AP3B1: variants seen among roughly 807,000 people sequenced by gnomAD.
The protein encoded by AP3B1 is AP-3 complex subunit beta-1.
Under a neutral mutation model 132.5 loss-of-function variants are expected in AP3B1, and 61 were observed. The observed-to-expected ratio is 0.46, with a 90% CI of 0.37 to 0.57. AP3B1 has a LOEUF of 0.57. Ranked by LOEUF, AP3B1 falls within the 20% of genes least tolerant of loss-of-function variation. The pLI is 0.00. For synonymous variants in AP3B1, 388 were observed against 438.3 expected, an observed-to-expected ratio of 0.89 and a Z score of 1.43; for missense variants, 1,120 against 1,289.4, an observed-to-expected ratio of 0.87 and a Z score of 2.01.
chr5:78,146,714 G>A (rs1264546163), intron 14 of AP3B1, among the ~76,000 whole-genome samples: 1 of 151,942 alleles, frequency 6.6e-6, no homozygotes, highest in African/African-American at 2.4e-5. Flanking sequence ...TAAAAATGGT[G>A]ATCTTTATAA....
At chr5:78,027,350 T>G (rs1366686108) in intron 24 of AP3B1, among the ~76,000 whole-genome samples, 1 of 152,170 alleles carries the variant, frequency 6.6e-6, no homozygotes, top group African/African-American at 2.4e-5. Flanking sequence ...TCCCCACGGA[T>G]TTGAAATGTC....
chr5:78,062,131 T>C (rs773906003), intron 22 of AP3B1, among the ~76,000 whole-genome samples: 4 of 152,248 alleles, frequency 2.6e-5, no homozygotes, highest in Non-Finnish European at 4.4e-5. Flanking sequence ...TTTTGAAGCT[T>C]TGTATTTTCC....
rs536519882 is a variant in AP3B1 at position 78,202,136 on chromosome 5, C to T, written c.786+13919G>A. Among the ~76,000 whole-genome samples the T allele has an allele frequency of 3.9e-5, 6 of 152,274 alleles. No individual in the cohort carries two copies. The East Asian group carries it at 1.2e-3, about 29-fold the overall frequency. ...GGTTCTAAAAAGGGGAGTTTCCCTG[C>T]ACAAGCTCTCTCTTCTCTTGTCTGC... On this transcript the variant is annotated intron_variant, in intron 7 of 26. Transcript: ENST00000255194.
chr5:78,123,392 C>A (rs1752315331), intron 17 of AP3B1, among the ~76,000 whole-genome samples: 1 of 152,092 alleles, frequency 6.6e-6, no homozygotes, highest in African/African-American at 2.4e-5. Context: ...AAAGAAACTA[C>A]CATCAGAGTG....
chr5:78,075,327 A>G (rs1580314658), intron 22 of AP3B1, among the ~76,000 whole-genome samples: 1 of 152,216 alleles, frequency 6.6e-6, no homozygotes, highest in East Asian at 1.9e-4. Context: ...GTTTTAGTAG[A>G]TTTCAGATGG....
Position 78,227,412 on chromosome 5 carries a change from C to T in AP3B1, c.496G>A (p.Val166Ile), listed in dbSNP as rs1196803737. ...ATTGCATGGGCTGCATTCTTCCTAACATATGGTGATAAGTCAGCAGAAGCT... is the reference window on the plus strand; with the variant it reads ...ATTGCATGGGCTGCATTCTTCCTAATATATGGTGATAAGTCAGCAGAAGCT... ...KEASADLSPY[V>I]RKNAAHAIQK... The change falls in exon 5 of 27, where the codon GTT (valine) becomes ATT (isoleucine). Residue 166 changes from valine to isoleucine, a missense_variant. By Grantham distance (29) the Val-to-Ile change is conservative. This residue lies in a region of AP3B1 where 129 missense variants were observed against 212.4 expected (regional missense o/e 0.61). Transcript: ENST00000255194. The T allele has an allele frequency of 1.2e-6, 2 of 1,613,722 alleles. No individual in the cohort carries two copies. The highest frequency in any genetic ancestry group is 1.7e-6 in the Non-Finnish European group (2 of 1,179,746).
chr5:78,228,151 G>A lies in AP3B1; in HGVS notation c.368C>T (p.Ala123Val). ...ALLSISTFQRALKDPNQLIRA... is the reference protein window; with the variant it reads ...ALLSISTFQRVLKDPNQLIRA... ...ACTCACTCCATTATTTACCTTCAGAGCTCGCTGAAAAGTGCTTATGGACAG... is the reference window on the plus strand; with the variant it reads ...ACTCACTCCATTATTTACCTTCAGAACTCGCTGAAAAGTGCTTATGGACAG... Residue 123 changes from alanine (A) to valine (V), a missense_variant, in exon 4 of 27, where the codon GCT becomes GTT. Coordinates refer to ENST00000255194, the MANE Select transcript of AP3B1 (RefSeq NM_003664.5). 6.2e-7 allele frequency: 1 copy of A among 1,602,630 alleles called. No individual in the cohort carries two copies. Among genetic ancestry groups the A allele is most frequent in the Non-Finnish European group, 8.5e-7 (1 of 1,175,774 alleles).
intron 2 of AP3B1, among the ~76,000 whole-genome samples, chr5:78,249,082 C>T (rs1190045975): frequency 2.0e-5 from 3 of 152,048 alleles, no homozygotes; most frequent in East Asian, 1.9e-4. Context: ...TGGCTGGGCA[C>T]GGTGGCTCAT....
At chr5:78,078,055 G>A (rs890048101) in intron 22 of AP3B1, among the ~76,000 whole-genome samples, 1 of 152,122 alleles carries the variant, frequency 6.6e-6, no homozygotes, top group African/African-American at 2.4e-5. Context: ...GGATGTGTGT[G>A]TATGCACACA....
At chr5:78,262,731 T>A (rs1748148551) in intron 2 of AP3B1, among the ~76,000 whole-genome samples, 1 of 151,874 alleles carries the variant, frequency 6.6e-6, no homozygotes, top group African/African-American at 2.4e-5. Context: ...CTCGCTCTGT[T>A]GCCCAGGCTG....
At position 78,141,213 on chromosome 5, in the gene AP3B1, C is replaced by A. The variant is rs779511911; in HGVS notation, c.1580G>T (p.Ser527Ile). 2 of 1,613,870 alleles carry A rather than the reference C, an allele frequency of 1.2e-6. No individual in the cohort carries two copies. The highest frequency in any genetic ancestry group is 1.7e-6 in the Non-Finnish European group (2 of 1,179,798). ...VLRKMAKSFT[S>I]EDDLVKLQIL... The stretch of plus-strand genomic sequence containing the variant: ...CTGCAGTTTTACCAGATCATCTTCA[C>A]TAGTGAAGCTTTTAGCCATCTTCCT... Residue 527 changes from serine to isoleucine, a missense_variant, in exon 15 of 27, where the codon AGT (serine) becomes ATT (isoleucine). Around this residue, in one of 3 missense-constraint regions of AP3B1, gnomAD observed 906 missense variants for 997.1 expected, o/e 0.91. Transcript: ENST00000255194.
Position 78,165,634 on chromosome 5 carries a change from T to G in AP3B1, c.1206A>C (p.Ile402=). The G allele has an allele frequency of 1.2e-6, 2 of 1,609,894 alleles. No individual in the cohort carries two copies. Among genetic ancestry groups the G allele is most frequent in the Non-Finnish European group, 1.7e-6 (2 of 1,177,186 alleles). Residue 402 remains isoleucine (I), a synonymous_variant, in exon 12 of 27, where the codon ATA becomes ATC. Transcript: ENST00000255194. ...ILTNLANEAN[I]STLLREFQTY... The stretch of plus-strand genomic sequence containing the variant: ...CCTGAAATTCTCGAAGAAGAGTTGA[T>G]ATGTTGGCTTCATTTGCCAAGTTTG...
intron 3 of AP3B1, among the ~76,000 whole-genome samples, chr5:78,232,711 C>CT (rs1381787978): frequency 6.6e-6 from 1 of 152,038 alleles, no homozygotes; most frequent in Non-Finnish European, 1.5e-5. Flanking sequence ...TTTATTCTTT[C>CT]TTTCTTTTTT....
chr5:78,005,493 C>T (rs571090212), intron 26 of AP3B1, among the ~76,000 whole-genome samples: 19 of 152,216 alleles, frequency 1.2e-4, no homozygotes, highest in African/African-American at 4.3e-4. Context: ...AATCCTATTG[C>T]CACAAAAGTC....
At chr5:78,034,968 G>C (rs897370035) in intron 23 of AP3B1, among the ~76,000 whole-genome samples, 31 of 151,760 alleles carry the variant, frequency 2.0e-4, no homozygotes, top group African/African-American at 7.2e-4. Context: ...AATTAATTAA[G>C]AGATCTCACA....
At chr5:78,033,896 A>C (rs901276183) in intron 24 of AP3B1, among the ~76,000 whole-genome samples, 1 of 151,916 alleles carries the variant, frequency 6.6e-6, no homozygotes, top group Non-Finnish European at 1.5e-5. Context: ...GGAAAAAAAA[A>C]ATGTGTGAGT....
At chr5:78,112,926 T>C (rs954981248) in intron 19 of AP3B1, among the ~76,000 whole-genome samples, 4 of 152,234 alleles carry the variant, frequency 2.6e-5, no homozygotes, top group African/African-American at 9.6e-5. Context: ...GGAAAAACAA[T>C]ATAAATCACT....
chr5:78,271,743 T>C (rs1255174287), intron 1 of AP3B1, among the ~76,000 whole-genome samples: 1 of 152,238 alleles, frequency 6.6e-6, no homozygotes, highest in Non-Finnish European at 1.5e-5. Flanking sequence ...CTACAAACCA[T>C]AAATTCTCAT....
At chr5:78,098,373 T>C (rs899817240) in intron 21 of AP3B1, among the ~76,000 whole-genome samples, 2 of 151,938 alleles carry the variant, frequency 1.3e-5, no homozygotes, top group African/African-American at 4.8e-5. Context: ...ATAACAATTA[T>C]GTCATTTTAT....
Sources: allele counts gnomAD v4.1 joint callset (sites outside exome capture counted in the v4.1 genomes callset), GRCh38; gene constraint gnomAD v4.1.1; regional missense constraint gnomAD v4.1.1; transcripts MANE v1.5; gene names NCBI Gene and HGNC (gene_info 2026-07-23, HGNC 2026-07-21).